Variants in ESYT2 observed in about 807,000 individuals in gnomAD.
ESYT2 encodes the protein extended synaptotagmin 2.
Under a neutral mutation model 107.2 loss-of-function variants are expected in ESYT2, and 54 were observed. The observed-to-expected ratio is 0.50, with a 90% confidence interval of 0.40 to 0.63. The LOEUF is 0.63. ESYT2 is among the 30% of genes least tolerant of loss of function. The pLI, the probability that ESYT2 is intolerant of heterozygous loss-of-function variation, is 0.00. For missense variants in ESYT2, 1,020 were observed against 1,094.5 expected, an observed-to-expected ratio of 0.93 and a Z score of 0.96; for synonymous variants, 491 against 434.1, an observed-to-expected ratio of 1.13 and a Z score of -1.63.
intron 6 of ESYT2, among the ~76,000 whole-genome samples, chr7:158,781,578 G>A (rs1291318249): frequency 1.3e-5 from 2 of 150,300 alleles, no homozygotes; most frequent in Admixed American, 1.3e-4. Flanking sequence ...AGAACAAAGT[G>A]TGAGAGGTTT....
At position 158,739,001 on chromosome 7, in the gene ESYT2, C is replaced by A. The variant is rs7804970; in HGVS notation, c.2267+22G>T. 2,468 of 1,609,814 alleles carry A rather than the reference C, an allele frequency of 1.5e-3. 3 individuals are homozygous for A. Among genetic ancestry groups the A allele is most frequent in the Non-Finnish European group, 2.0e-3 (2,336 of 1,176,476 alleles). On this transcript the variant is annotated intron_variant, in intron 19 of 22. Transcript: ENST00000275418. Reference sequence around the variant, plus strand: ...CCACACTCAGCAGCACAGCAGCGGGCGCGTGGGACCCCAGCCCCCACCTGC... The same window carrying A: ...CCACACTCAGCAGCACAGCAGCGGGAGCGTGGGACCCCAGCCCCCACCTGC...
At chr7:158,748,034 C>A (rs1271835209) in intron 16 of ESYT2, among the ~76,000 whole-genome samples, 160 bp downstream of exon 16, 1 of 152,156 alleles carries the variant, frequency 6.6e-6, no homozygotes, top group East Asian at 1.9e-4. Flanking sequence ...CTGTGTTTGC[C>A]TGGGGCTAGG....
At chr7:158,751,249 T>C (rs921386305) in intron 14 of ESYT2, among the ~76,000 whole-genome samples, 8 of 152,212 alleles carry the variant, frequency 5.3e-5, no homozygotes, top group African/African-American at 1.9e-4. Flanking sequence ...TAAAACTGTT[T>C]ATCCTAAAAT....
chr7:158,743,395 G>C (rs2129471425), intron 17 of ESYT2, 134 bp downstream of exon 17: 4 of 1,110,102 alleles, frequency 3.6e-6, no homozygotes, highest in Non-Finnish European at 5.0e-6. Context: ...CCCTGCACCG[G>C]CGCCCTCCTG....
intron 9 of ESYT2, among the ~76,000 whole-genome samples, chr7:158,764,245 C>T (rs758309603): frequency 3.3e-5 from 5 of 151,876 alleles, no homozygotes; most frequent in African/African-American, 1.2e-4. Context: ...GGCGTCTATT[C>T]GATGGAATGG....
At chr7:158,821,060 AAAAT>A (rs1348881193) in intron 1 of ESYT2, among the ~76,000 whole-genome samples, 2 of 152,360 alleles carry the variant, frequency 1.3e-5, no homozygotes, top group African/African-American at 4.8e-5. Flanking sequence ...AAAATTCACA[AAAAT>A]AAATAGTTTG....
At chr7:158,802,118 C>A (rs1310024105) in intron 1 of ESYT2, among the ~76,000 whole-genome samples, 2 of 152,176 alleles carry the variant, frequency 1.3e-5, no homozygotes, top group East Asian at 1.9e-4. Flanking sequence ...CCAATTAAAT[C>A]ATATTCTTCC....
intron 7 of ESYT2, among the ~76,000 whole-genome samples, chr7:158,769,080 T>C (rs1416257699): frequency 6.8e-6 from 1 of 147,892 alleles, no homozygotes; most frequent in East Asian, 2.0e-4. Context: ...TAATTACAAA[T>C]AAATTCTGAG....
intron 20 of ESYT2, among the ~76,000 whole-genome samples, chr7:158,736,209 G>A (rs1395357293): frequency 6.7e-6 from 1 of 149,050 alleles, no homozygotes; most frequent in Admixed American, 6.6e-5. Flanking sequence ...GGATGGGTAG[G>A]AGCACCCTGC....
intron 3 of ESYT2, among the ~76,000 whole-genome samples, chr7:158,794,135 T>C (rs995725479): frequency 6.6e-6 from 1 of 152,384 alleles, no homozygotes; most frequent in Middle Eastern, 3.4e-3. Context: ...ACTCCATCCT[T>C]ACTACCATGT....
At chr7:158,760,606 C>G (rs1837928321) in intron 11 of ESYT2, among the ~76,000 whole-genome samples, 1 of 152,204 alleles carries the variant, frequency 6.6e-6, no homozygotes. Context: ...CAGGTGTAGG[C>G]AAGCATGCTC....
At chr7:158,765,939 C>T (rs1838147386) in intron 8 of ESYT2, among the ~76,000 whole-genome samples, 1 of 152,012 alleles carries the variant, frequency 6.6e-6, no homozygotes, top group Non-Finnish European at 1.5e-5. Context: ...GTGACTCACG[C>T]CTCTAATACC....
chr7:158,806,176 G>C (rs1466855210), intron 1 of ESYT2, among the ~76,000 whole-genome samples: 1 of 152,264 alleles, frequency 6.6e-6, no homozygotes, highest in Non-Finnish European at 1.5e-5. Flanking sequence ...ACAATGCGTA[G>C]GAGGCACTGG....
chr7:158,748,609 C>T (rs1837482820), intron 15 of ESYT2, among the ~76,000 whole-genome samples: 1 of 152,172 alleles, frequency 6.6e-6, no homozygotes, highest in African/African-American at 2.4e-5. Context: ...AACGTAATAG[C>T]TCCTCCGAAC....
chr7:158,732,088 C>A lies in ESYT2; in HGVS notation c.*2119G>T, dbSNP rs1422234371. 2 of 152,204 alleles carry A rather than the reference C, an allele frequency of 1.3e-5. No homozygotes were observed. The highest frequency in any genetic ancestry group is 2.9e-5 in the Non-Finnish European group (2 of 68,070). 9.4% of individuals were successfully genotyped at this position (152,204 alleles called of 1,614,324 possible). ...TGTACCTTTAATTGTGTCTACTCTGCCTAAGTGCTTAAATAAAGCATTCCA... is the reference window on the plus strand; with the variant it reads ...TGTACCTTTAATTGTGTCTACTCTGACTAAGTGCTTAAATAAAGCATTCCA... On this transcript the variant is annotated 3_prime_UTR_variant, in exon 23 of 23. Transcript: ENST00000275418.
At chr7:158,829,035 G>T in intron 1 of ESYT2, 54 bp downstream of exon 1, 1 of 1,556,776 alleles carries the variant, frequency 6.4e-7, no homozygotes, top group African/African-American at 1.4e-5. Context: ...GCCTGGACGA[G>T]GGGAGATCGG....
intron 1 of ESYT2, among the ~76,000 whole-genome samples, chr7:158,803,677 G>A (rs73525625): frequency 0.013 from 1,963 of 152,338 alleles, 47 homozygotes; most frequent in African/African-American, 0.044. Context: ...CACAACAAAA[G>A]GGAGTCCAAG....
intron 1 of ESYT2, among the ~76,000 whole-genome samples, chr7:158,803,880 G>GTT (rs1839722933): frequency 5.2e-5 from 3 of 57,454 alleles, no homozygotes; most frequent in African/African-American, 2.4e-4. Flanking sequence ...CCCAAACCAC[G>GTT]GAGAAGGGTG....
chr7:158,808,041 C>CT (rs925529425), intron 1 of ESYT2, among the ~76,000 whole-genome samples: 4 of 152,124 alleles, frequency 2.6e-5, no homozygotes, highest in Admixed American at 2.0e-4. Flanking sequence ...CCAAACATTC[C>CT]TTTTTTTATT....
Sources: gnomAD v4.1 joint callset for allele counts (sites outside exome capture counted in the v4.1 genomes callset) on GRCh38, gnomAD v4.1.1 for gene constraint, MANE v1.5 for transcripts, NCBI Gene and HGNC (gene_info 2026-07-23, HGNC 2026-07-21) for gene names.